The following HIGD1A variants were observed in gnomAD, a reference collection of about 807,000 sequenced individuals.
HIGD1A encodes the protein HIG1 domain family member 1A, mitochondrial.
HIGD1A carries 8 observed loss-of-function variants against 11.3 expected under a neutral mutation model. That is an observed-to-expected ratio of 0.71 (90% confidence interval 0.42 to 1.28). HIGD1A has a LOEUF of 1.28. Among genes scored for constraint, HIGD1A ranks in the 50% most tolerant of loss-of-function variants. HIGD1A has a pLI of 0.01. For synonymous variants in HIGD1A, 32 were observed against 38.4 expected (o/e 0.83, Z 0.62); for missense variants, 107 against 118.8 (o/e 0.90, Z 0.46).
Position 42,784,014 on chromosome 3 carries a change from T to C in HIGD1A, c.*1257A>G, listed in dbSNP as rs894748115. 6.6e-6 allele frequency among the ~76,000 whole-genome samples: 1 copy of C among 150,658 alleles called. No individual in the cohort carries two copies. The highest frequency in any genetic ancestry group is 1.5e-5 in the Non-Finnish European group (1 of 67,854). Reference sequence around the variant, plus strand: ...TCACTTGAACCTGGGGGATGGAAGTTGCAGTGAGCCAAGATCGTGCCACTG... The same window carrying C: ...TCACTTGAACCTGGGGGATGGAAGTCGCAGTGAGCCAAGATCGTGCCACTG... On this transcript the variant is annotated 3_prime_UTR_variant, in exon 4 of 4. Transcript: ENST00000321331.
At chr3:42,804,117 GC>G in intron 1 of HIGD1A, 3 of 1,568,302 alleles carry the variant, frequency 1.9e-6, no homozygotes, top group South Asian at 1.1e-5. Flanking sequence ...CACCCTCCTG[GC>G]CCCCGTCTCT....
At chr3:42,785,550 C>G (rs1408607353) in intron 3 of HIGD1A, among the ~76,000 whole-genome samples, 2 of 152,170 alleles carry the variant, frequency 1.3e-5, no homozygotes, top group Non-Finnish European at 2.9e-5. Flanking sequence ...ATGGCTACTT[C>G]ACATGTTACA....
chr3:42,792,366 T>G (rs1017292062), intron 2 of HIGD1A, among the ~76,000 whole-genome samples: 2 of 152,218 alleles, frequency 1.3e-5, no homozygotes, highest in Non-Finnish European at 2.9e-5. Flanking sequence ...TCATATAAAT[T>G]AAGTCATTCT....
intron 2 of HIGD1A, among the ~76,000 whole-genome samples, chr3:42,788,531 AT>A (rs145627487): frequency 1.3e-5 from 2 of 152,054 alleles, no homozygotes; most frequent in African/African-American, 2.4e-5. Context: ...ATAGCAATAC[AT>A]TTTTTTCCAA....
Position 42,789,391 on chromosome 3 carries a change from A to T in HIGD1A, c.98-3229T>A, listed in dbSNP as rs185668775. On this transcript the variant is annotated intron_variant, in intron 2 of 3. Coordinates refer to ENST00000321331, the MANE Select transcript of HIGD1A (RefSeq NM_014056.4). ...TTTACATAAGAAAATCTTGGCCAGG[A>T]GCAGTGGCTCATCCCTGTAATCCTA... Among the ~76,000 whole-genome samples, 10 of 152,022 alleles carry T rather than the reference A, an allele frequency of 6.6e-5. No homozygotes were observed. In the East Asian group the frequency reaches 1.9e-3, roughly 29 times the overall value.
chr3:42,788,422 A>G (rs1448251714), intron 2 of HIGD1A, among the ~76,000 whole-genome samples: 3 of 152,242 alleles, frequency 2.0e-5, no homozygotes, highest in Non-Finnish European at 4.4e-5. Context: ...TTTATCCCCA[A>G]AAGATAAAGA....
intron 1 of HIGD1A, among the ~76,000 whole-genome samples, chr3:42,795,728 A>AG (rs1559677603): frequency 6.6e-6 from 1 of 151,946 alleles, no homozygotes; most frequent in Admixed American, 6.6e-5. Context: ...GATAGGAAAA[A>AG]AAAAAAAAGG....
chr3:42,793,712 C>T (rs895731614), intron 2 of HIGD1A, among the ~76,000 whole-genome samples: 15 of 152,202 alleles, frequency 9.9e-5, no homozygotes, highest in African/African-American at 2.7e-4. Context: ...TGGCAGCTCA[C>T]GCCTATAATC....
At chr3:42,792,081 G>A (rs1189159439) in intron 2 of HIGD1A, among the ~76,000 whole-genome samples, 1 of 152,148 alleles carries the variant, frequency 6.6e-6, no homozygotes, top group Non-Finnish European at 1.5e-5. Context: ...AGTACACAGA[G>A]AAGAAAACAC....
chr3:42,799,644 T>C (rs556747734), intron 1 of HIGD1A, among the ~76,000 whole-genome samples: 6 of 151,742 alleles, frequency 4.0e-5, no homozygotes, highest in Non-Finnish European at 7.4e-5. Flanking sequence ...TTAGTATAGA[T>C]GGGGTTTTGC....
chr3:42,795,105 T>C (rs866903504), intron 1 of HIGD1A, among the ~76,000 whole-genome samples: 20 of 152,026 alleles, frequency 1.3e-4, no homozygotes, highest in African/African-American at 2.9e-4. Context: ...CCTAATTTTT[T>C]TGTATTCTTT....
In HIGD1A at chr3:42,787,594, A is replaced by AAAAAAAATAT. The variant is rs1383516264; in HGVS notation, c.98-1433_98-1432insATATTTTTTT. On this transcript the variant is annotated intron_variant, in intron 2 of 3. Transcript: ENST00000321331. ...CGACAGAGCGAGACTCCATCTCAAA[A>AAAAAAAATAT]ATATATATATATATATATATATATA... Among the ~76,000 whole-genome samples, 565 of 141,222 alleles carry AAAAAAAATAT rather than the reference A, an allele frequency of 4.0e-3. 24 individuals carry two copies. Among genetic ancestry groups the AAAAAAAATAT allele is most frequent in the Admixed American group, 0.039 (515 of 13,352 alleles). 92.6% of individuals were successfully genotyped at this position (141,222 alleles called of 152,430 possible).
At chr3:42,800,639 T>TG (rs1400406099) in intron 1 of HIGD1A, among the ~76,000 whole-genome samples, 1 of 151,914 alleles carries the variant, frequency 6.6e-6, no homozygotes, top group Non-Finnish European at 1.5e-5. Context: ...TACAAAACTT[T>TG]TTTTTTAACA....
chr3:42,790,109 C>T (rs1180577612), intron 2 of HIGD1A, among the ~76,000 whole-genome samples: 4 of 152,184 alleles, frequency 2.6e-5, no homozygotes, highest in Non-Finnish European at 5.9e-5. Context: ...GTGAATACTG[C>T]TGTTGTTGCC....
intron 1 of HIGD1A, among the ~76,000 whole-genome samples, chr3:42,795,934 T>C (rs1330000580): frequency 6.6e-6 from 1 of 152,216 alleles, no homozygotes; most frequent in African/African-American, 2.4e-5. Context: ...GCCTGAAGCA[T>C]AGTGTAAGCA....
chr3:42,787,521 G>A (rs2125923824), intron 2 of HIGD1A, among the ~76,000 whole-genome samples: 1 of 149,364 alleles, frequency 6.7e-6, no homozygotes, highest in South Asian at 2.1e-4. Flanking sequence ...AACCTGGGAG[G>A]CGGAGGTTGC....
intron 1 of HIGD1A, among the ~76,000 whole-genome samples, chr3:42,796,872 T>G (rs1700505876): frequency 9.1e-6 from 1 of 109,744 alleles, no homozygotes; most frequent in Non-Finnish European, 1.9e-5. Flanking sequence ...GTTAGAATCT[T>G]ATAACTTCCG....
chr3:42,804,344 A>C, intron 1 of HIGD1A, 92 bp downstream of exon 1: 15 of 683,256 alleles, frequency 2.2e-5, no homozygotes, highest in Non-Finnish European at 3.6e-5. Context: ...CCCACCCCCA[A>C]AGTCCTTTCG....
intron 2 of HIGD1A, among the ~76,000 whole-genome samples, chr3:42,792,984 GA>G (rs745632679): frequency 2.3e-3 from 293 of 128,806 alleles, no homozygotes; most frequent in African/African-American, 2.8e-3. Flanking sequence ...CTCCTTCTCG[GA>G]AAAAAAAAAA....
Sources: gnomAD v4.1 joint callset for allele counts (sites outside exome capture counted in the v4.1 genomes callset) on GRCh38, gnomAD v4.1.1 for gene constraint, MANE v1.5 for transcripts, NCBI Gene and HGNC (gene_info 2026-07-23, HGNC 2026-07-21) for gene names.